Variants in PRR12 observed in about 807,000 individuals in gnomAD.
The protein encoded by PRR12 is proline rich 12, also known as proline-rich protein 12.
In PRR12, 12 loss-of-function variants were observed where a neutral mutation model predicts 138.0. That is an observed-to-expected ratio of 0.09 (90% confidence interval 0.06 to 0.14). PRR12 has a LOEUF of 0.14. Ranked by LOEUF, PRR12 falls within the 10% of genes least tolerant of loss-of-function variation. The pLI is 1.00. For synonymous variants in PRR12, 1,567 were observed against 1,291.7 expected (o/e 1.21, Z -4.57); for missense variants, 2,692 against 2,861.3 (o/e 0.94, Z 1.35).
intron 10 of PRR12, among the ~76,000 whole-genome samples, chr19:49,621,171 A>G (rs1599803928): frequency 1.8e-5 from 1 of 55,072 alleles, no homozygotes; most frequent in Non-Finnish European, 3.6e-5. Flanking sequence ...GGTCTGAGGG[A>G]GGAGGGGCTG....
intron 6 of PRR12, 105 bp downstream of exon 6, chr19:49,602,023 G>A (rs183730877): frequency 4.6e-5 from 64 of 1,400,250 alleles, no homozygotes; most frequent in Admixed American, 1.5e-4. Flanking sequence ...AGATCCAGTC[G>A]TGGCCGGGCC....
chr19:49,597,210 G>A lies in PRR12; in HGVS notation c.2875G>A (p.Ala959Thr), dbSNP rs1279991827. The A allele has an allele frequency of 2.6e-6, 4 of 1,565,360 alleles. No homozygotes were observed. The South Asian group carries it at 3.5e-5, about 14-fold the overall frequency. ...TMEEMFGGGA[A>T]DDYGKAGPPE... ...GGAGGAGATGTTCGGTGGAGGGGCC[G>A]CGGACGACTACGGCAAGGCCGGGCC... The change falls in exon 4 of 14, where the codon GCG becomes ACG. Residue 959 changes from alanine (A) to threonine (T), a missense_variant. Ala to Thr is a moderately conservative substitution (Grantham distance 58, BLOSUM62 0). Coordinates refer to ENST00000418929, the MANE Select transcript of PRR12 (RefSeq NM_020719.3). This position sits in a 1 kb window ranked among gnomAD's most constrained non-coding sequence, Gnocchi z 6.3.
chr19:49,593,756 C>T (rs571064601), intron 2 of PRR12, among the ~76,000 whole-genome samples: 1 of 152,280 alleles, frequency 6.6e-6, no homozygotes, highest in African/African-American at 2.4e-5. Context: ...TCTGGGTTTG[C>T]CCTATTCTTT....
In PRR12 at chr19:49,597,079, G is replaced by T; in HGVS notation, c.2744G>T (p.Ser915Ile). 1 of 1,552,168 alleles carries T rather than the reference G, an allele frequency of 6.4e-7. No homozygotes were observed. Among genetic ancestry groups the T allele is most frequent in the South Asian group, 1.2e-5 (1 of 84,234 alleles). ...EGKDPAGAYRSPSPQGTKAPR... is the reference protein window; with the variant it reads ...EGKDPAGAYRIPSPQGTKAPR... ...AAGGATCCCGCAGGCGCCTACCGCA[G>T]CCCCAGCCCGCAAGGCACCAAGGCG... Residue 915 changes from serine to isoleucine, a missense_variant, in exon 4 of 14, where the codon AGC becomes ATC. Physicochemically the swap from Ser to Ile is moderately radical, Grantham distance 142. This residue lies in a region of PRR12 where 840 missense variants were observed against 689.8 expected (regional missense o/e 1.22). Coordinates refer to ENST00000418929, the MANE Select transcript of PRR12 (RefSeq NM_020719.3). This position sits in a 1 kb window ranked among gnomAD's most constrained non-coding sequence, Gnocchi z 6.3.
chr19:49,598,038 G>T, intron 4 of PRR12, 25 bp downstream of exon 4: 1 of 1,319,870 alleles, frequency 7.6e-7, no homozygotes, highest in East Asian at 3.0e-5. Context: ...GGTCTTGTAG[G>T]GGATAGGGGA....
chr19:49,609,228 T>C (rs1407596909), intron 6 of PRR12, among the ~76,000 whole-genome samples: 1 of 152,018 alleles, frequency 6.6e-6, no homozygotes, highest in Non-Finnish European at 1.5e-5. Context: ...TCACCGGAGT[T>C]TGAGAGGTCA....
intron 4 of PRR12, among the ~76,000 whole-genome samples, chr19:49,598,718 A>C (rs1195002610): frequency 1.3e-5 from 2 of 152,118 alleles, no homozygotes; most frequent in Admixed American, 1.3e-4. Flanking sequence ...GCTACTCAAG[A>C]GGTTGAGGTG....
Position 49,614,686 on chromosome 19 carries a change from C to A in PRR12, c.4890+37C>A. The A allele has an allele frequency of 6.5e-7, 1 of 1,526,834 alleles. No homozygotes were observed. The highest frequency in any genetic ancestry group is 8.9e-7 in the Non-Finnish European group (1 of 1,126,906). The allele number at this position is 1,526,834 out of a possible 1,614,324, so 94.6% of individuals were successfully genotyped here. Reference sequence around the variant, plus strand: ...AAGGGGACCAAGGACTTGGGGGCCCCGGGGCGTGGTATCTAGGAGCTGGGG... The same window carrying A: ...AAGGGGACCAAGGACTTGGGGGCCCAGGGGCGTGGTATCTAGGAGCTGGGG... On this transcript the variant is annotated intron_variant, in intron 7 of 13. Coordinates refer to ENST00000418929, the MANE Select transcript of PRR12 (RefSeq NM_020719.3). The surrounding 1 kb of genome is among the most constrained non-coding windows in gnomAD (Gnocchi z 5.0).
At chr19:49,621,009 G>A (rs1237129910) in intron 10 of PRR12, among the ~76,000 whole-genome samples, 6 of 126,740 alleles carry the variant, frequency 4.7e-5, no homozygotes, top group Non-Finnish European at 8.4e-5. Flanking sequence ...TGGGTCTGAG[G>A]GAGGAGGGGC....
chr19:49,611,962 G>C (rs2080868921), intron 6 of PRR12, among the ~76,000 whole-genome samples: 1 of 142,866 alleles, frequency 7.0e-6, no homozygotes, highest in East Asian at 2.1e-4. Context: ...GCCGGGCACA[G>C]TGGCTCACCC....
At position 49,594,896 on chromosome 19, in the gene PRR12, C is replaced by T. The variant is rs371026697; in HGVS notation, c.561C>T (p.Asp187=). The T allele has an allele frequency of 3.1e-6, 5 of 1,610,388 alleles. No individual in the cohort carries two copies. Among genetic ancestry groups the T allele is most frequent in the Admixed American group, 3.4e-5 (2 of 59,552 alleles). The change falls in exon 4 of 14, where the codon GAC becomes GAT. Residue 187 remains aspartate (D), a synonymous_variant. Transcript: ENST00000418929. The surrounding 1 kb of genome is among the most constrained non-coding windows in gnomAD (Gnocchi z 5.6). ...PPANGLLSPH[D]VLHLKPSQAP... Reference sequence around the variant, plus strand: ...CTAACGGGCTCCTGTCCCCTCATGACGTGCTGCACCTGAAGCCCTCGCAGG... The same window carrying T: ...CTAACGGGCTCCTGTCCCCTCATGATGTGCTGCACCTGAAGCCCTCGCAGG...
intron 11 of PRR12, chr19:49,621,859 C>G (rs1401167462): frequency 1.8e-6 from 1 of 545,256 alleles, no homozygotes; most frequent in Non-Finnish European, 3.3e-6. Flanking sequence ...TTGTGAAAGG[C>G]TGGGCTGTTG....
At chr19:49,623,149 A>C (rs2080934544) in intron 11 of PRR12, among the ~76,000 whole-genome samples, 1 of 151,802 alleles carries the variant, frequency 6.6e-6, no homozygotes, top group Admixed American at 6.6e-5. Flanking sequence ...TGGGTTGGAA[A>C]ATTCTGGGTA....
At chr19:49,608,482 T>C (rs1183739971) in intron 6 of PRR12, among the ~76,000 whole-genome samples, 1 of 152,060 alleles carries the variant, frequency 6.6e-6, no homozygotes, top group Non-Finnish European at 1.5e-5. Context: ...CTGGGACTCC[T>C]GCCTCAGCCT....
Position 49,597,131 on chromosome 19 carries a change from C to T in PRR12, c.2796C>T (p.Ile932=). The T allele has an allele frequency of 6.4e-7, 1 of 1,551,250 alleles. No homozygotes were observed. The highest frequency in any genetic ancestry group is 1.2e-5 in the South Asian group (1 of 84,146). ...CGCGTTTCGTGCCGCTCACCTCCAT[C>T]TGCTTCCCTGACTCCTTGCTCCAAG... ...KAPRFVPLTS[I]CFPDSLLQDE... is the part of the protein sequence containing the mutation. The change falls in exon 4 of 14, where the codon ATC becomes ATT. Residue 932 remains isoleucine (I), a synonymous_variant. Coordinates refer to ENST00000418929, the MANE Select transcript of PRR12 (RefSeq NM_020719.3). The surrounding 1 kb of genome is among the most constrained non-coding windows in gnomAD (Gnocchi z 6.3).
chr19:49,596,530 C>G lies in PRR12; in HGVS notation c.2195C>G (p.Pro732Arg). ...AGGCTGAAGGAGAAGAAGAAAGGGC[C>G]AGAGCGGGGTGGCGAGACCCCCGAG... is the stretch of plus-strand genomic sequence containing the variant. ...LGRLKEKKKG[P>R]ERGGETPEGL... Residue 732 changes from proline to arginine, a missense_variant, in exon 4 of 14, where the codon CCA becomes CGA. By Grantham distance (103) the Pro-to-Arg change is moderately radical (BLOSUM62 -2). Transcript: ENST00000418929. This position sits in a 1 kb window ranked among gnomAD's most constrained non-coding sequence, Gnocchi z 5.6. 6.2e-7 allele frequency: 1 copy of G among 1,609,244 alleles called. No individual in the cohort carries two copies.
At chr19:49,624,080 A>G (rs143449858) in intron 11 of PRR12, among the ~76,000 whole-genome samples, 2,196 of 71,660 alleles carry the variant, frequency 0.031, 127 homozygotes, top group East Asian at 0.22. Context: ...GGATGGGGCC[A>G]AGAATTCTGG....
chr19:49,623,563 C>T (rs986418895), intron 11 of PRR12, among the ~76,000 whole-genome samples: 5 of 150,610 alleles, frequency 3.3e-5, no homozygotes, highest in Non-Finnish European at 5.9e-5. Flanking sequence ...ACCCGGGAGG[C>T]GGAGCTTGCA....
At chr19:49,620,213 G>T in intron 9 of PRR12, 139 bp from the exon 10 acceptor site, 1 of 1,195,596 alleles carries the variant, frequency 8.4e-7, no homozygotes, top group Non-Finnish European at 1.2e-6. Context: ...GCGCTTGCCT[G>T]TCAATCTTCC....
Sources: allele counts gnomAD v4.1 joint callset (sites outside exome capture counted in the v4.1 genomes callset), GRCh38; gene constraint gnomAD v4.1.1; regional missense constraint gnomAD v4.1.1; non-coding constraint Gnocchi (gnomAD v3.1); transcripts MANE v1.5; gene names NCBI Gene and HGNC (gene_info 2026-07-23, HGNC 2026-07-21).